Variants in MTHFD1L observed in about 807,000 individuals in gnomAD.
The protein encoded by MTHFD1L is monofunctional C1-tetrahydrofolate synthase, mitochondrial.
MTHFD1L carries 81 observed loss-of-function variants against 119.5 expected under a neutral mutation model. The observed-to-expected ratio is 0.68, with a 90% CI of 0.57 to 0.82. MTHFD1L has a LOEUF of 0.82. MTHFD1L is among the 40% of genes least tolerant of loss of function. MTHFD1L has a pLI of 0.00. For missense variants in MTHFD1L, 1,125 were observed against 1,253.4 expected, an observed-to-expected ratio of 0.90 and a Z score of 1.55; for synonymous variants, 430 against 475.2, an observed-to-expected ratio of 0.90 and a Z score of 1.24.
At chr6:151,096,003 C>A (rs905928923) in intron 27 of MTHFD1L, among the ~76,000 whole-genome samples, 1 of 152,192 alleles carries the variant, frequency 6.6e-6, no homozygotes, top group Non-Finnish European at 1.5e-5. Flanking sequence ...ACTACAAAAG[C>A]CAAGACTCAA....
At chr6:150,877,866 C>G (rs765496717) in intron 4 of MTHFD1L, 40 bp downstream of exon 4, 2 of 1,611,358 alleles carry the variant, frequency 1.2e-6, no homozygotes, top group Non-Finnish European at 1.7e-6. Context: ...TTCTTCTTTC[C>G]TCTTGAGACT....
chr6:150,995,496 A>C (rs1202103783), intron 20 of MTHFD1L, among the ~76,000 whole-genome samples: 1 of 140,208 alleles, frequency 7.1e-6, no homozygotes, highest in African/African-American at 2.8e-5. Context: ...CCTGGGCAAC[A>C]AGAGCGAAAC....
intron 7 of MTHFD1L, among the ~76,000 whole-genome samples, chr6:150,901,964 CTT>C (rs113707030): frequency 3.4e-5 from 5 of 146,444 alleles, no homozygotes; most frequent in Admixed American, 2.7e-4. Flanking sequence ...TAGAAAATAT[CTT>C]TTTTTTTTTA....
rs770920264 is a variant in MTHFD1L, at chr6:151,092,481, A to G, written c.2862A>G (p.Pro954=). Residue 954 remains proline (P), a synonymous_variant, in exon 27 of 28, where the codon CCA becomes CCG. Transcript: ENST00000367321. ...YPLVGTMSTM[P]GLPTRPCFYD... is the part of the protein sequence containing the mutation. The stretch of plus-strand genomic sequence containing the variant: ...TTCTCCCCCAGATGAGCACCATGCC[A>G]GGACTGCCCACCCGGCCCTGCTTTT... 3.1e-6 allele frequency: 5 copies of G among 1,614,040 alleles called. No homozygotes were observed. Among genetic ancestry groups the G allele is most frequent in the South Asian group, 2.2e-5 (2 of 91,030 alleles).
At chr6:150,902,072 C>T (rs999885562) in intron 7 of MTHFD1L, among the ~76,000 whole-genome samples, 1 of 152,102 alleles carries the variant, frequency 6.6e-6, no homozygotes, top group Non-Finnish European at 1.5e-5. Flanking sequence ...AAGATACATA[C>T]TGTCTTCTAG....
intron 12 of MTHFD1L, among the ~76,000 whole-genome samples, chr6:150,937,186 C>T (rs1792224730): frequency 6.6e-6 from 1 of 152,152 alleles, no homozygotes; most frequent in Non-Finnish European, 1.5e-5. Context: ...TTGCTCAAGG[C>T]TCCCGCCTCG....
chr6:150,952,871 A>G (rs532738652), intron 16 of MTHFD1L, among the ~76,000 whole-genome samples: 1 of 152,316 alleles, frequency 6.6e-6, no homozygotes, highest in African/African-American at 2.4e-5. Flanking sequence ...TAAAGGCCTC[A>G]TGTTCCTGGA....
chr6:151,068,934 T>C (rs1056245830), intron 26 of MTHFD1L, among the ~76,000 whole-genome samples: 1 of 152,218 alleles, frequency 6.6e-6, no homozygotes, highest in Non-Finnish European at 1.5e-5. Context: ...GCATTGATCA[T>C]GGGATCCCGC....
chr6:150,891,313 G>C (rs1783227921), intron 7 of MTHFD1L, among the ~76,000 whole-genome samples: 2 of 151,646 alleles, frequency 1.3e-5, no homozygotes, highest in Admixed American at 1.3e-4. Flanking sequence ...ACACTGTTCA[G>C]TGAACAAAAA....
intron 20 of MTHFD1L, among the ~76,000 whole-genome samples, chr6:151,002,714 A>G (rs1780787982): frequency 6.6e-6 from 1 of 152,232 alleles, no homozygotes; most frequent in Non-Finnish European, 1.5e-5. Flanking sequence ...CTTACAGTGC[A>G]CAGGGTTACA....
chr6:150,964,899 A>G, intron 18 of MTHFD1L, 70 bp from the exon 19 acceptor site: 1 of 1,486,000 alleles, frequency 6.7e-7, no homozygotes, highest in Non-Finnish European at 9.4e-7. Context: ...GCTGGAGAGA[A>G]GTGCCAAGGG....
chr6:150,979,524 G>A (rs889402827), intron 20 of MTHFD1L, among the ~76,000 whole-genome samples: 3 of 151,814 alleles, frequency 2.0e-5, no homozygotes, highest in African/African-American at 4.8e-5. Flanking sequence ...TTTTTGAGAC[G>A]GAGTCTCACT....
intron 25 of MTHFD1L, among the ~76,000 whole-genome samples, chr6:151,036,716 CT>C (rs1181251225): frequency 2.0e-5 from 3 of 152,204 alleles, no homozygotes; most frequent in African/African-American, 7.2e-5. Context: ...ATAACACTGC[CT>C]TCTCTTAAAG....
chr6:150,885,371 T>C (rs1782075416), intron 5 of MTHFD1L, among the ~76,000 whole-genome samples: 1 of 152,144 alleles, frequency 6.6e-6, no homozygotes, highest in Non-Finnish European at 1.5e-5. Flanking sequence ...ACCTTTTGTA[T>C]TTTTAGTGGA....
At chr6:150,882,651 C>A in intron 4 of MTHFD1L, 111 bp from the exon 5 acceptor site, 2 of 780,096 alleles carry the variant, frequency 2.6e-6, no homozygotes, top group Non-Finnish European at 3.7e-6. Context: ...AAAACAACAA[C>A]AAACTATAAC....
chr6:151,062,820 A>C (rs1014420115), intron 26 of MTHFD1L, among the ~76,000 whole-genome samples: 8 of 119,396 alleles, frequency 6.7e-5, no homozygotes, highest in African/African-American at 2.2e-4. Flanking sequence ...AGAAGGATAC[A>C]AGACAGCCAT....
intron 8 of MTHFD1L, among the ~76,000 whole-genome samples, chr6:150,906,168 G>A (rs185312352): frequency 6.6e-6 from 1 of 152,204 alleles, no homozygotes; most frequent in African/African-American, 2.4e-5. Flanking sequence ...GGGAGGGATG[G>A]GAATAGGATC....
chr6:150,981,210 T>C (rs1777438771), intron 20 of MTHFD1L, among the ~76,000 whole-genome samples: 1 of 152,226 alleles, frequency 6.6e-6, no homozygotes, highest in Admixed American at 6.5e-5. Context: ...CCGCACCTCA[T>C]TTCCTGTTCC....
chr6:150,872,618 GA>G (rs2128728998), intron 1 of MTHFD1L, among the ~76,000 whole-genome samples: 1 of 152,098 alleles, frequency 6.6e-6, no homozygotes, highest in African/African-American at 2.4e-5. Context: ...TACTAAAAAT[GA>G]AAAAGTTTGA....
Sources: allele counts gnomAD v4.1 joint callset (sites outside exome capture counted in the v4.1 genomes callset), GRCh38; gene constraint gnomAD v4.1.1; transcripts MANE v1.5; gene names NCBI Gene and HGNC (gene_info 2026-07-23, HGNC 2026-07-21).